The following MROH2B variants were observed in gnomAD, a reference collection of about 807,000 sequenced individuals.
MROH2B encodes maestro heat like repeat family member 2B.
In MROH2B, 177 loss-of-function variants were observed where a neutral mutation model predicts 208.6. The ratio of observed to expected loss-of-function variants is 0.85; its 90% CI spans 0.75 to 0.96. The LOEUF (loss-of-function observed/expected upper bound fraction) is 0.96. Ranked by LOEUF, MROH2B falls within the 40% of genes least tolerant of loss-of-function variation. The pLI is 0.00. For synonymous variants in MROH2B, 728 were observed against 659.0 expected (o/e 1.10, Z -1.60); for missense variants, 2,002 against 1,878.7 (o/e 1.07, Z -1.21).
chr5:41,000,622 G>A (rs1403982987), intron 38 of MROH2B, 56 bp downstream of exon 38: 85 of 1,548,194 alleles, frequency 5.5e-5, no homozygotes, highest in Non-Finnish European at 6.3e-5. Flanking sequence ...AGGCTTATTG[G>A]TACTTCTCAG....
At chr5:41,061,769 T>C (rs587412) in intron 5 of MROH2B, 45 bp from the exon 6 acceptor site, 846,397 of 1,577,242 alleles carry the variant, frequency 0.54, 231,514 homozygotes, top group Non-Finnish European at 0.57. Flanking sequence ...AATATAAGGA[T>C]GGGGCAGACG....
intron 24 of MROH2B, among the ~76,000 whole-genome samples, chr5:41,019,913 T>G (rs994407060): frequency 2.0e-5 from 3 of 152,196 alleles, no homozygotes; most frequent in Non-Finnish European, 2.9e-5. Context: ...ATGAAAACAC[T>G]GATGGTTATA....
At chr5:41,038,949 G>T in intron 20 of MROH2B, 61 bp from the exon 21 acceptor site, 1 of 1,490,554 alleles carries the variant, frequency 6.7e-7, no homozygotes, top group Non-Finnish European at 9.0e-7. Context: ...TTTCTCTCAT[G>T]TTTTTTTCCT....
Position 40,999,788 on chromosome 5 carries a change from G to T in MROH2B, c.4483-9C>A, listed in dbSNP as rs1213966721. ...TCCTGGTTTTTCTTGGCCTAGAAGAGATGTGAATTTCAAAGAGGGCAACTG... is the reference window on the plus strand; with the variant it reads ...TCCTGGTTTTTCTTGGCCTAGAAGATATGTGAATTTCAAAGAGGGCAACTG... On this transcript the variant is annotated splice_polypyrimidine_tract_variant and intron_variant, in intron 39 of 41. Coordinates refer to ENST00000399564, the MANE Select transcript of MROH2B (RefSeq NM_173489.5). 3 of 1,610,046 alleles carry T rather than the reference G, an allele frequency of 1.9e-6. No homozygotes were observed. In the African/African-American group the frequency reaches 4.0e-5, roughly 22 times the overall value.
Position 41,007,337 on chromosome 5 carries a change from G to A in MROH2B, c.3726C>T (p.His1242=), listed in dbSNP as rs1288010518. Residue 1242 remains histidine (H), a synonymous_variant, in exon 34 of 42, where the codon CAC becomes CAT. Transcript: ENST00000399564. ...WTLLSSPSTH[H]IGVCSLARSM... ...ACCTGGCCAGTGAACATACGCCTATGTGGTGGGTACTAGGACTGCTGAGTA... is the reference window on the plus strand; with the variant it reads ...ACCTGGCCAGTGAACATACGCCTATATGGTGGGTACTAGGACTGCTGAGTA... The A allele has an allele frequency of 1.3e-6, 2 of 1,482,460 alleles. No individual in the cohort carries two copies. The highest frequency in any genetic ancestry group is 2.7e-5 in the South Asian group (2 of 72,782). 91.8% of individuals were successfully genotyped at this position (1,482,460 alleles called of 1,614,324 possible). A position where few individuals can be genotyped will look rare whatever the true frequency, so the allele number is the denominator to read the frequency against.
chr5:41,023,105 G>A (rs1742215794), intron 24 of MROH2B, among the ~76,000 whole-genome samples: 1 of 152,176 alleles, frequency 6.6e-6, no homozygotes, highest in African/African-American at 2.4e-5. Context: ...AAATGGAGCA[G>A]AAAAGCTGAA....
chr5:41,003,153 G>T (rs1741457825), intron 37 of MROH2B, among the ~76,000 whole-genome samples: 2 of 151,938 alleles, frequency 1.3e-5, no homozygotes, highest in South Asian at 2.1e-4. Flanking sequence ...TACAGATGGG[G>T]TTTCACCATG....
At chr5:41,054,220 T>G (rs1215050889) in intron 11 of MROH2B, among the ~76,000 whole-genome samples, 1 of 152,122 alleles carries the variant, frequency 6.6e-6, no homozygotes, top group African/African-American at 2.4e-5. Context: ...CCTCAAATGA[T>G]TCACCTACCT....
chr5:41,034,652 A>T (rs560022131), intron 21 of MROH2B, among the ~76,000 whole-genome samples: 132 of 151,312 alleles, frequency 8.7e-4, no homozygotes, highest in Non-Finnish European at 1.3e-3. Flanking sequence ...TTAATTTTTT[A>T]AAAAAAGATT....
rs751419904 is a variant in MROH2B at position 41,004,825 on chromosome 5, C to A, written c.3960G>T (p.Arg1320Ser). Reference protein sequence around the residue: ...QSAWDSNATLRQMAIRGLGNT... With the variant: ...QSAWDSNATLSQMAIRGLGNT... ...TGCCGAGCCCTCGGATGGCCATCTG[C>A]CTCAGAGTGGCGTTGGAGTCCCAGG... is the stretch of plus-strand genomic sequence containing the variant. The change falls in exon 36 of 42, where the codon AGG (arginine) becomes AGT (serine). Residue 1320 changes from arginine to serine, a missense_variant. Transcript: ENST00000399564. 1 of 1,613,996 alleles carries A rather than the reference C, an allele frequency of 6.2e-7. No individual in the cohort carries two copies. The highest frequency in any genetic ancestry group is 8.5e-7 in the Non-Finnish European group (1 of 1,179,874).
At chr5:41,006,449 T>C (rs763670329) in intron 34 of MROH2B, among the ~76,000 whole-genome samples, 8 of 152,194 alleles carry the variant, frequency 5.3e-5, no homozygotes, top group Non-Finnish European at 1.0e-4. Flanking sequence ...GAACTAAAAG[T>C]AGATCTACCG....
intron 19 of MROH2B, among the ~76,000 whole-genome samples, chr5:41,040,010 T>C (rs1412522779): frequency 1.3e-5 from 2 of 152,162 alleles, no homozygotes; most frequent in Admixed American, 6.5e-5. Context: ...CGAAGTCCAC[T>C]GAGAGGGCTG....
At chr5:41,005,325 CAGG>C (rs1014868786) in intron 35 of MROH2B, 24 of 554,968 alleles carry the variant, frequency 4.3e-5, no homozygotes, top group African/African-American at 4.0e-4. Context: ...AACTAGAGGG[CAGG>C]AGGTGGGTGA....
rs146853268 is a variant in MROH2B, at chr5:41,049,632, G to A, written c.1345-196C>T. Among the ~76,000 whole-genome samples, 245 of 152,300 alleles carry A rather than the reference G, an allele frequency of 1.6e-3. 1 individual carries two copies. The highest frequency in any genetic ancestry group is 5.7e-3 in the African/African-American group (238 of 41,572). On this transcript the variant is annotated intron_variant, in intron 13 of 41. Coordinates refer to ENST00000399564, the MANE Select transcript of MROH2B (RefSeq NM_173489.5). The stretch of plus-strand genomic sequence containing the variant: ...TTTTCAGGTGTTAGCTGTAGTGAGT[G>A]TTGGTCAGTATTTCTCCATGGGGAC...
chr5:41,033,710 T>C, intron 22 of MROH2B, 128 bp downstream of exon 22: 2 of 741,438 alleles, frequency 2.7e-6, no homozygotes, highest in Admixed American at 2.7e-5. Context: ...ATTGGATTGT[T>C]ACATGTTGGA....
At chr5:41,005,414 C>CG in intron 35 of MROH2B, 117 bp downstream of exon 35, 1 of 58,080 alleles carries the variant, frequency 1.7e-5, no homozygotes, top group Middle Eastern at 6.7e-3. Context: ...CTCTATGAAA[C>CG]CCCCCCCCCC....
chr5:41,004,449 T>A lies in MROH2B; in HGVS notation c.4091A>T (p.Glu1364Val), dbSNP rs764618693. 4 of 1,614,040 alleles carry A rather than the reference T, an allele frequency of 2.5e-6. No homozygotes were observed. The highest frequency in any genetic ancestry group is 3.4e-6 in the Non-Finnish European group (4 of 1,179,884). The change falls in exon 37 of 42, where the codon GAA becomes GTA. Residue 1364 changes from glutamate to valine, a missense_variant. Coordinates refer to ENST00000399564, the MANE Select transcript of MROH2B (RefSeq NM_173489.5). ...GATTTTTTTTAGAGCCTTCAAGCTT[T>A]CACAGACGACTTCAGTGCGAGCTAG... ...YHLARTEVVC[E>V]SLKALKKILE... is the part of the protein sequence containing the mutation.
chr5:41,046,281 A>G (rs955979839), intron 17 of MROH2B, among the ~76,000 whole-genome samples: 1 of 151,888 alleles, frequency 6.6e-6, no homozygotes, highest in African/African-American at 2.4e-5. Flanking sequence ...TCAAGAATTA[A>G]ATGTCTTAAA....
chr5:41,013,979 G>C (rs1741854728), intron 29 of MROH2B, among the ~76,000 whole-genome samples: 1 of 152,102 alleles, frequency 6.6e-6, no homozygotes, highest in South Asian at 2.1e-4. Context: ...CTATATTCAA[G>C]TCTCCACATA....
Sources: gnomAD v4.1 joint callset for allele counts (sites outside exome capture counted in the v4.1 genomes callset) on GRCh38, gnomAD v4.1.1 for gene constraint, MANE v1.5 for transcripts, NCBI Gene and HGNC (gene_info 2026-07-23, HGNC 2026-07-21) for gene names.